The following CHCHD3 variants were observed in gnomAD, a reference collection of about 807,000 sequenced individuals.
CHCHD3 encodes MICOS complex subunit MIC19.
CHCHD3 carries 20 observed loss-of-function variants against 38.2 expected under a neutral mutation model. The ratio of observed to expected loss-of-function variants is 0.52; its 90% confidence interval spans 0.37 to 0.76. The LOEUF is 0.76. Ranked by LOEUF, CHCHD3 falls within the 30% of genes least tolerant of loss-of-function variation. The pLI, the probability that CHCHD3 is intolerant of heterozygous loss-of-function variation, is 0.00. For missense variants in CHCHD3, 245 were observed against 279.2 expected, an observed-to-expected ratio of 0.88 and a Z score of 0.87; for synonymous variants, 82 against 100.0, an observed-to-expected ratio of 0.82 and a Z score of 1.07.
At chr7:133,018,165 G>A (rs1813080135) in intron 3 of CHCHD3, among the ~76,000 whole-genome samples, 1 of 152,134 alleles carries the variant, frequency 6.6e-6, no homozygotes, top group Admixed American at 6.5e-5. Flanking sequence ...TACTACAGAA[G>A]GATCTCTTAA....
chr7:132,856,212 A>C (rs1288066375), intron 5 of CHCHD3, among the ~76,000 whole-genome samples: 1 of 151,994 alleles, frequency 6.6e-6, no homozygotes, highest in Non-Finnish European at 1.5e-5. Flanking sequence ...GTCCTTCCAA[A>C]CAAGACCTAT....
intron 1 of CHCHD3, among the ~76,000 whole-genome samples, chr7:133,081,322 AG>A (rs1815165272): frequency 6.7e-6 from 1 of 149,506 alleles, no homozygotes; most frequent in South Asian, 2.2e-4. Context: ...AAGCCGCCCC[AG>A]GCAGGTCAGA....
chr7:132,875,110 A>G (rs937288582), intron 5 of CHCHD3, among the ~76,000 whole-genome samples: 2 of 152,184 alleles, frequency 1.3e-5, no homozygotes, highest in African/African-American at 4.8e-5. Context: ...ATCTCAGGTG[A>G]TATACTGGGA....
chr7:132,794,664 T>A (rs536423624), intron 7 of CHCHD3, among the ~76,000 whole-genome samples: 1 of 152,278 alleles, frequency 6.6e-6, no homozygotes, highest in East Asian at 1.9e-4. Context: ...CATAAAAGAT[T>A]GGAGAGTGAG....
At chr7:132,887,796 A>G (rs1369166344) in intron 4 of CHCHD3, among the ~76,000 whole-genome samples, 2 of 151,884 alleles carry the variant, frequency 1.3e-5, no homozygotes, top group Non-Finnish European at 3.0e-5. Flanking sequence ...AAAATACTCA[A>G]TATTGGCAAG....
chr7:132,846,617 A>G (rs1281039272), intron 5 of CHCHD3, among the ~76,000 whole-genome samples: 2 of 152,198 alleles, frequency 1.3e-5, no homozygotes, highest in East Asian at 1.9e-4. Flanking sequence ...AGGAGTAGGT[A>G]TCTTGTCCTA....
At chr7:132,985,380 G>A (rs1812076812) in intron 3 of CHCHD3, among the ~76,000 whole-genome samples, 1 of 80,570 alleles carries the variant, frequency 1.2e-5, no homozygotes, top group Non-Finnish European at 2.6e-5. Context: ...GGAGGTGGGG[G>A]GGTCAGCCCC....
chr7:132,814,306 G>A (rs1807146067), intron 6 of CHCHD3, among the ~76,000 whole-genome samples: 1 of 152,198 alleles, frequency 6.6e-6, no homozygotes, highest in Admixed American at 6.5e-5. Flanking sequence ...TTACTAAAAT[G>A]TTGGGTAACA....
intron 2 of CHCHD3, among the ~76,000 whole-genome samples, chr7:133,052,363 T>C (rs981555230): frequency 5.9e-5 from 9 of 152,120 alleles, no homozygotes; most frequent in African/African-American, 1.9e-4. Context: ...GTTGATAGCT[T>C]TGAAGCAGAG....
intron 3 of CHCHD3, among the ~76,000 whole-genome samples, chr7:132,996,527 T>C (rs897968335): frequency 3.3e-5 from 5 of 152,332 alleles, no homozygotes; most frequent in East Asian, 1.9e-4. Flanking sequence ...GATTATATCA[T>C]ACAAAAATGA....
intron 2 of CHCHD3, among the ~76,000 whole-genome samples, chr7:133,055,374 A>C (rs1294379810): frequency 6.9e-6 from 1 of 145,244 alleles, no homozygotes; most frequent in Non-Finnish European, 1.5e-5. Flanking sequence ...GATTATAATT[A>C]ATTATAATTA....
chr7:132,890,837 T>C (rs948334210), intron 4 of CHCHD3, among the ~76,000 whole-genome samples: 3 of 152,192 alleles, frequency 2.0e-5, no homozygotes, highest in African/African-American at 7.2e-5. Flanking sequence ...TATAAAGAAC[T>C]GAGAAAGACT....
At chr7:132,829,600 G>C (rs1807589675) in intron 6 of CHCHD3, among the ~76,000 whole-genome samples, 1 of 152,110 alleles carries the variant, frequency 6.6e-6, no homozygotes, top group Admixed American at 6.5e-5. Context: ...GATGCTTGGT[G>C]CAACACCAAT....
chr7:133,023,675 T>C (rs1813253340), intron 3 of CHCHD3, among the ~76,000 whole-genome samples: 1 of 152,208 alleles, frequency 6.6e-6, no homozygotes, highest in Non-Finnish European at 1.5e-5. Context: ...TAAAATGTTT[T>C]CCCATCTTTT....
intron 5 of CHCHD3, among the ~76,000 whole-genome samples, chr7:132,873,084 T>C (rs1352988125): frequency 6.6e-6 from 1 of 151,998 alleles, no homozygotes. Flanking sequence ...AGAGAGATTC[T>C]GTCTCAAAAA....
chr7:132,991,080 A>C (rs530444469), intron 3 of CHCHD3, among the ~76,000 whole-genome samples: 1 of 152,260 alleles, frequency 6.6e-6, no homozygotes, highest in African/African-American at 2.4e-5. Context: ...TAAGGAAAAA[A>C]TAATTATACA....
chr7:132,796,657 C>T (rs1806625536), intron 6 of CHCHD3, 80 bp from the exon 7 acceptor site: 2 of 1,179,284 alleles, frequency 1.7e-6, no homozygotes, highest in Admixed American at 2.1e-5. Flanking sequence ...ACATAAAACG[C>T]ACAGTAAGAC....
Position 132,977,615 on chromosome 7 carries a change from C to T in CHCHD3, c.252-2329G>A, listed in dbSNP as rs527879890. 1.4e-4 allele frequency among the ~76,000 whole-genome samples: 22 copies of T among 152,264 alleles called. No homozygotes were observed. The East Asian group carries it at 3.9e-3, about 27-fold the overall frequency. On this transcript the variant is annotated intron_variant, in intron 3 of 7. Coordinates refer to ENST00000262570, the MANE Select transcript of CHCHD3 (RefSeq NM_017812.4). ...AATAAAATTACTATCATTTATGGAT[C>T]AACTACTAAGCACTGTGCTAGGCAC...
At chr7:132,858,483 CA>C (rs1808400877) in intron 5 of CHCHD3, among the ~76,000 whole-genome samples, 1 of 152,194 alleles carries the variant, frequency 6.6e-6, no homozygotes, top group Non-Finnish European at 1.5e-5. Flanking sequence ...GCCACTAACA[CA>C]ACCCCTCAAG....
Sources: allele counts gnomAD v4.1 joint callset (sites outside exome capture counted in the v4.1 genomes callset), GRCh38; gene constraint gnomAD v4.1.1; transcripts MANE v1.5; gene names NCBI Gene and HGNC (gene_info 2026-07-23, HGNC 2026-07-21).